Variants in ALDH1L1 observed in about 807,000 individuals in gnomAD.
ALDH1L1 encodes aldehyde dehydrogenase 1 family member L1.
Under a neutral mutation model 101.1 loss-of-function variants are expected in ALDH1L1, and 68 were observed. That is an observed-to-expected ratio of 0.67 (90% CI 0.55 to 0.82). ALDH1L1 has a LOEUF of 0.82. Among genes scored for constraint, ALDH1L1 ranks in the 40% least tolerant of loss-of-function variants. The pLI is 0.00. For missense variants in ALDH1L1, 1,087 were observed against 1,172.7 expected, an observed-to-expected ratio of 0.93 and a Z score of 1.07; for synonymous variants, 486 against 470.8, an observed-to-expected ratio of 1.03 and a Z score of -0.42.
chr3:126,116,181 C>T (rs78740418), intron 17 of ALDH1L1, among the ~76,000 whole-genome samples: 13,104 of 151,930 alleles, frequency 0.086, 861 homozygotes, highest in African/African-American at 0.18. Context: ...CCATGCCCAG[C>T]CTAGTATTTA....
At chr3:126,146,625 G>A (rs997732892) in intron 9 of ALDH1L1, among the ~76,000 whole-genome samples, 1 of 151,970 alleles carries the variant, frequency 6.6e-6, no homozygotes. Flanking sequence ...ATGCAACTAC[G>A]CCCCCTTAAC....
intron 1 of ALDH1L1, among the ~76,000 whole-genome samples, chr3:126,177,077 G>T (rs1245642009): frequency 6.6e-6 from 1 of 152,206 alleles, no homozygotes; most frequent in Non-Finnish European, 1.5e-5. Context: ...AGGCTGTGGA[G>T]CAACAGGAAC....
At chr3:126,115,327 A>C (rs2108195917) in intron 17 of ALDH1L1, 1 of 328,256 alleles carries the variant, frequency 3.0e-6, no homozygotes, top group Non-Finnish European at 6.1e-6. Context: ...GGCAGGTAGG[A>C]GGCTCCACTG....
chr3:126,136,472 T>C (rs1388500332), intron 11 of ALDH1L1, among the ~76,000 whole-genome samples: 1 of 152,092 alleles, frequency 6.6e-6, no homozygotes, highest in Non-Finnish European at 1.5e-5. Flanking sequence ...TGTGCAAGTG[T>C]GGCAGTGGCC....
At chr3:126,187,830 C>A (rs2081529725) in intron 1 of ALDH1L1, among the ~76,000 whole-genome samples, 1 of 152,014 alleles carries the variant, frequency 6.6e-6, no homozygotes, top group African/African-American at 2.4e-5. Context: ...AAAGAGCAGA[C>A]CCAGAACAGA....
chr3:126,170,685 C>G (rs1270634455), intron 1 of ALDH1L1, among the ~76,000 whole-genome samples: 1 of 152,170 alleles, frequency 6.6e-6, no homozygotes, highest in East Asian at 1.9e-4. Context: ...CCCTCTTGTC[C>G]TTTTATAACC....
intron 15 of ALDH1L1, 59 bp from the exon 16 acceptor site, chr3:126,124,510 C>T: frequency 2.9e-6 from 4 of 1,367,804 alleles, no homozygotes; most frequent in East Asian, 2.4e-5. Context: ...TGGGGCTCTG[C>T]CTTCCCTCCC....
In ALDH1L1 at chr3:126,155,686, C is replaced by A. The variant is rs889507386; in HGVS notation, c.529-183G>T. On this transcript the variant is annotated intron_variant, in intron 4 of 22. Transcript: ENST00000393434. Reference sequence around the variant, plus strand: ...CAGCGTGAACCTAACTTCTATTGCACAACGGACACAGACCCGTCCTCTCTA... The same window carrying A: ...CAGCGTGAACCTAACTTCTATTGCAAAACGGACACAGACCCGTCCTCTCTA... 1.1e-5 allele frequency: 6 copies of A among 531,388 alleles called. No individual in the cohort carries two copies. In the South Asian group the frequency reaches 1.6e-4, roughly 14 times the overall value. The allele number at this position is 531,388 out of a possible 1,614,324, so 32.9% of individuals were successfully genotyped here. A position where few individuals can be genotyped will look rare whatever the true frequency, so the allele number is the denominator to read the frequency against.
upstream of ALDH1L1, among the ~76,000 whole-genome samples, chr3:126,185,785 T>G (rs775306566): frequency 1.3e-4 from 20 of 152,208 alleles, no homozygotes; most frequent in Non-Finnish European, 2.6e-4. Flanking sequence ...TAACTGATAT[T>G]AGATTCTCAT....
intron 1 of ALDH1L1, among the ~76,000 whole-genome samples, chr3:126,173,468 A>G (rs2081318970): frequency 6.6e-6 from 1 of 152,202 alleles, no homozygotes; most frequent in Admixed American, 6.5e-5. Flanking sequence ...CTGATATGCT[A>G]AGAGAGAAAA....
intron 9 of ALDH1L1, among the ~76,000 whole-genome samples, chr3:126,145,061 A>T (rs1007851779): frequency 6.6e-6 from 1 of 152,240 alleles, no homozygotes; most frequent in African/African-American, 2.4e-5. Context: ...CACATGACCA[A>T]CAGGTATATG....
intron 17 of ALDH1L1, 25 bp downstream of exon 17, chr3:126,117,980 C>T: frequency 6.3e-7 from 1 of 1,599,950 alleles, no homozygotes; most frequent in Non-Finnish European, 8.5e-7. Context: ...GCAGCCCCTC[C>T]TCTGCTCCAC....
chr3:126,189,128 TA>T (rs552385935), intron 1 of ALDH1L1, among the ~76,000 whole-genome samples: 40 of 152,316 alleles, frequency 2.6e-4, no homozygotes, highest in African/African-American at 9.1e-4. Flanking sequence ...AAATACAATT[TA>T]AATAGGCAAT....
intron 1 of ALDH1L1, among the ~76,000 whole-genome samples, chr3:126,191,012 T>C (rs980938569): frequency 6.6e-6 from 1 of 152,222 alleles, no homozygotes; most frequent in Non-Finnish European, 1.5e-5. Flanking sequence ...ACCTGACATT[T>C]TCCTTCTGAG....
intron 8 of ALDH1L1, among the ~76,000 whole-genome samples, chr3:126,149,423 T>C (rs2080764275): frequency 6.6e-6 from 1 of 152,170 alleles, no homozygotes; most frequent in Non-Finnish European, 1.5e-5. Context: ...CCCCAGCTCA[T>C]CCCCAGAGCC....
In ALDH1L1 at chr3:126,167,008, AT is replaced by A. The variant is rs1251100393; in HGVS notation, c.-23-6007del. 2.6e-4 allele frequency among the ~76,000 whole-genome samples: 40 copies of A among 152,298 alleles called. No individual in the cohort carries two copies. The East Asian group carries it at 7.7e-3, about 29-fold the overall frequency. On this transcript the variant is annotated intron_variant, in intron 1 of 22. Coordinates refer to ENST00000393434, the MANE Select transcript of ALDH1L1 (RefSeq NM_012190.4). The stretch of plus-strand genomic sequence containing the variant: ...AACAAAAGCAAACTAGTCCAGTTTA[AT>A]TTTTTATACTTAAAATACTGCACAT...
intron 15 of ALDH1L1, among the ~76,000 whole-genome samples, chr3:126,125,296 A>G (rs143986436): frequency 2.0e-5 from 3 of 152,324 alleles, no homozygotes; most frequent in Non-Finnish European, 4.4e-5. Context: ...GCTGTCTTAG[A>G]GCATGGGGCC....
intron 1 of ALDH1L1, among the ~76,000 whole-genome samples, chr3:126,173,948 G>A (rs970307177): frequency 6.6e-6 from 1 of 152,216 alleles, no homozygotes; most frequent in Non-Finnish European, 1.5e-5. Flanking sequence ...GCTAAAATGT[G>A]TAAAGCAAAA....
At chr3:126,115,166 T>G (rs538672977) in intron 17 of ALDH1L1, 5 of 437,388 alleles carry the variant, frequency 1.1e-5, no homozygotes, top group African/African-American at 1.0e-4. Context: ...CACCATCCGC[T>G]GGCACAGCTG....
Sources: gnomAD v4.1 joint callset for allele counts (sites outside exome capture counted in the v4.1 genomes callset) on GRCh38, gnomAD v4.1.1 for gene constraint, MANE v1.5 for transcripts, NCBI Gene and HGNC (gene_info 2026-07-23, HGNC 2026-07-21) for gene names.